The following SYTL3 variants were observed in gnomAD, a reference collection of about 807,000 sequenced individuals.
The protein encoded by SYTL3 is synaptotagmin like 3, also known as synaptotagmin-like protein 3.
Under a neutral mutation model 82.1 loss-of-function variants are expected in SYTL3, and 88 were observed. The observed-to-expected ratio is 1.07, with a 90% CI of 0.90 to 1.28. The LOEUF (loss-of-function observed/expected upper bound fraction) is 1.28. Among genes scored for constraint, SYTL3 ranks in the 50% most tolerant of loss-of-function variants. SYTL3 has a pLI of 0.00. For missense variants in SYTL3, 831 were observed against 757.6 expected (o/e 1.10, Z -1.14); for synonymous variants, 311 against 289.4 (o/e 1.07, Z -0.76).
intron 11 of SYTL3, among the ~76,000 whole-genome samples, chr6:158,729,607 C>T (rs1373058717): frequency 1.4e-5 from 2 of 146,228 alleles, no homozygotes; most frequent in Admixed American, 6.9e-5. Flanking sequence ...CGCTTTGTCA[C>T]GTAGGCTGGA....
upstream of SYTL3, among the ~76,000 whole-genome samples, chr6:158,649,055 C>G (rs1366210424): frequency 6.6e-6 from 1 of 152,208 alleles, no homozygotes; most frequent in Non-Finnish European, 1.5e-5. Flanking sequence ...TTCCCTGGGA[C>G]CTCATCCCCA....
At chr6:158,727,024 G>A (rs746480013) in intron 11 of SYTL3, among the ~76,000 whole-genome samples, 6 of 151,494 alleles carry the variant, frequency 4.0e-5, no homozygotes, top group Admixed American at 2.0e-4. Context: ...TAATTTTTTT[G>A]TATTTTTAGT....
chr6:158,674,125 G>A (rs199773496), intron 5 of SYTL3, among the ~76,000 whole-genome samples: 12 of 127,718 alleles, frequency 9.4e-5, no homozygotes, highest in Admixed American at 4.2e-4. Flanking sequence ...TAATAATGAT[G>A]ATGATGATGA....
chr6:158,648,607 A>AG (rs370837628), upstream of SYTL3, among the ~76,000 whole-genome samples: 9 of 127,342 alleles, frequency 7.1e-5, no homozygotes, highest in African/African-American at 2.7e-4. Flanking sequence ...AAAAAAAAAA[A>AG]AATAATAATA....
At chr6:158,731,361 C>A (rs543107528) in intron 11 of SYTL3, among the ~76,000 whole-genome samples, 18 of 152,002 alleles carry the variant, frequency 1.2e-4, no homozygotes, top group Middle Eastern at 6.8e-3. Flanking sequence ...AACAGCACCA[C>A]CCTGGGGACC....
intron 10 of SYTL3, among the ~76,000 whole-genome samples, chr6:158,719,264 A>G (rs953102171): frequency 6.6e-6 from 1 of 152,126 alleles, no homozygotes; most frequent in Admixed American, 6.6e-5. Flanking sequence ...TAGGGTAGGT[A>G]TTGCATGCAG....
chr6:158,700,753 A>T (rs993178929), intron 6 of SYTL3, among the ~76,000 whole-genome samples: 2 of 152,110 alleles, frequency 1.3e-5, no homozygotes, highest in African/African-American at 4.8e-5. Context: ...AGTAGCTGGG[A>T]CTACAGGTGC....
At chr6:158,706,990 CCATAACATAAAATGTGTCTTTTCAGTCTA>C (rs1782171887) in intron 6 of SYTL3, among the ~76,000 whole-genome samples, 1 of 152,130 alleles carries the variant, frequency 6.6e-6, no homozygotes. Context: ...AGTACAATTT[CCATAACATAAAATGTGTCTTTTCAGTCTA>C]CAATGCAATG....
At chr6:158,760,471 A>C (rs1387405636) in intron 14 of SYTL3, among the ~76,000 whole-genome samples, 169 bp from the exon 15 acceptor site, 3 of 151,902 alleles carry the variant, frequency 2.0e-5, no homozygotes, top group Non-Finnish European at 2.9e-5. Flanking sequence ...TGGGAGTGAA[A>C]CCATAGATGG....
intron 4 of SYTL3, among the ~76,000 whole-genome samples, chr6:158,664,803 A>G (rs1309757940): frequency 6.6e-6 from 1 of 152,134 alleles, no homozygotes; most frequent in Non-Finnish European, 1.5e-5. Context: ...GGTATCACAG[A>G]CATTCATAAA....
rs770438184 is a variant in SYTL3 at position 158,764,683 on chromosome 6, G to T, written c.*79G>T. 5.9e-6 allele frequency: 6 copies of T among 1,023,026 alleles called. No individual in the cohort carries two copies. The South Asian group carries it at 7.9e-5, about 14-fold the overall frequency. The allele number at this position is 1,023,026 out of a possible 1,614,324, so 63.4% of individuals were successfully genotyped here. A position where few individuals can be genotyped will look rare whatever the true frequency, so the allele number is the denominator to read the frequency against. Reference sequence around the variant, plus strand: ...CAGAGGGGCTACGAACCAGGTGCAGGGTCCCAGCTGGAGACCCCTTTGACC... The same window carrying T: ...CAGAGGGGCTACGAACCAGGTGCAGTGTCCCAGCTGGAGACCCCTTTGACC... On this transcript the variant is annotated 3_prime_UTR_variant, in exon 18 of 18. Transcript: ENST00000611299.
intron 10 of SYTL3, among the ~76,000 whole-genome samples, chr6:158,720,156 C>T (rs947036579): frequency 6.6e-6 from 1 of 151,902 alleles, no homozygotes; most frequent in Non-Finnish European, 1.5e-5. Context: ...AATCCCAGCA[C>T]TCTGGGAGGC....
intron 13 of SYTL3, among the ~76,000 whole-genome samples, chr6:158,753,255 G>T (rs1788628101): frequency 6.6e-6 from 1 of 151,564 alleles, no homozygotes; most frequent in Non-Finnish European, 1.5e-5. Flanking sequence ...CAAATTTTTT[G>T]TGTTTTTAGT....
intron 13 of SYTL3, among the ~76,000 whole-genome samples, chr6:158,755,758 T>A (rs1788976954): frequency 6.6e-6 from 1 of 152,146 alleles, no homozygotes; most frequent in Admixed American, 6.5e-5. Context: ...GGTGCAAGTG[T>A]CCAGCCTCAC....
At chr6:158,760,258 A>C (rs956750115) in intron 14 of SYTL3, among the ~76,000 whole-genome samples, 1 of 152,158 alleles carries the variant, frequency 6.6e-6, no homozygotes, top group African/African-American at 2.4e-5. Context: ...GGGCAGCGTG[A>C]ATCTCTACTG....
At chr6:158,710,305 A>C (rs1200779632) in intron 8 of SYTL3, among the ~76,000 whole-genome samples, 2 of 152,218 alleles carry the variant, frequency 1.3e-5, no homozygotes, top group African/African-American at 4.8e-5. Context: ...AGTATTTTTC[A>C]AACAGTCATT....
intron 5 of SYTL3, 46 bp from the exon 6 acceptor site, chr6:158,682,879 T>C (rs1342834168): frequency 1.4e-6 from 2 of 1,468,052 alleles, no homozygotes; most frequent in Non-Finnish European, 9.5e-7. Context: ...TATAGCACTA[T>C]TCATATCTTC....
intron 13 of SYTL3, among the ~76,000 whole-genome samples, chr6:158,755,999 G>A (rs1789009748): frequency 6.6e-6 from 1 of 152,202 alleles, no homozygotes; most frequent in South Asian, 2.1e-4. Context: ...CTCATAGGGT[G>A]CGTGTGAAAG....
In SYTL3 at chr6:158,763,435, TG is replaced by T. The variant is rs1790280468; in HGVS notation, c.1651del (p.Glu551SerfsTer2). Reference sequence around the variant, plus strand: ...CCAGCTCAGCTGAGGCAGTCAAGCTTGGAGTTAACTGTCTGGGATCAGGCCC... The same window carrying T: ...CCAGCTCAGCTGAGGCAGTCAAGCTTGAGTTAACTGTCTGGGATCAGGCCC... ...VTPAQLRQSS[L>X]ELTVWDQALF... On this transcript the variant is annotated frameshift_variant, in exon 17 of 18. Coordinates refer to ENST00000611299, the MANE Select transcript of SYTL3 (RefSeq NM_001242394.2). LOFTEE classifies it high-confidence loss of function. 1 of 1,614,080 alleles carries T rather than the reference TG, an allele frequency of 6.2e-7. No homozygotes were observed. The highest frequency in any genetic ancestry group is 1.3e-5 in the African/African-American group (1 of 74,928).
Sources: gnomAD v4.1 joint callset for allele counts (sites outside exome capture counted in the v4.1 genomes callset) on GRCh38, gnomAD v4.1.1 for gene constraint, MANE v1.5 for transcripts, NCBI Gene and HGNC (gene_info 2026-07-23, HGNC 2026-07-21) for gene names.